The following NBAS variants were observed in gnomAD, a reference collection of about 807,000 sequenced individuals.
The protein encoded by NBAS is NAG/BC035112 fusion.
A neutral mutation model predicts 302.5 loss-of-function variants in NBAS; 219 were observed. The observed-to-expected ratio is 0.72, with a 90% CI of 0.65 to 0.81. The LOEUF (loss-of-function observed/expected upper bound fraction) is 0.81. Among genes scored for constraint, NBAS ranks in the 30% least tolerant of loss-of-function variants. NBAS has a pLI of 0.00. For missense variants in NBAS, 2,932 were observed against 2,841.6 expected, an observed-to-expected ratio of 1.03 and a Z score of -0.72; for synonymous variants, 1,118 against 1,021.6, an observed-to-expected ratio of 1.09 and a Z score of -1.80.
the NBAS span, among the ~76,000 whole-genome samples, chr2:14,905,427 C>T: frequency 2.6e-5 from 4 of 152,186 alleles, no homozygotes; most frequent in South Asian, 6.2e-4. Flanking sequence ...CAGAGAACCA[C>T]ATGCTGCTCA....
chr2:15,176,538 T>G (rs556883733), intron 51 of NBAS, among the ~76,000 whole-genome samples: 5 of 152,150 alleles, frequency 3.3e-5, no homozygotes, highest in Non-Finnish European at 5.9e-5. Context: ...ACAGATTGAA[T>G]CAATGTCAGC....
At chr2:15,048,213 G>A in the NBAS span, among the ~76,000 whole-genome samples, 1 of 152,214 alleles carries the variant, frequency 6.6e-6, no homozygotes, top group Non-Finnish European at 1.5e-5. Flanking sequence ...CCCTGCAGTG[G>A]GGACAGCAAG....
the NBAS span, among the ~76,000 whole-genome samples, chr2:14,801,638 T>C: frequency 2.6e-4 from 39 of 152,298 alleles, no homozygotes; most frequent in South Asian, 2.1e-4. Context: ...TAGTTTTCAA[T>C]GTTTTTTTCC....
At chr2:15,279,618 T>C (rs1669738329) in intron 42 of NBAS, among the ~76,000 whole-genome samples, 1 of 152,174 alleles carries the variant, frequency 6.6e-6, no homozygotes, top group South Asian at 2.1e-4. Flanking sequence ...TCAATCAACA[T>C]TACTTTCCCT....
chr2:15,030,556 T>C, the NBAS span, among the ~76,000 whole-genome samples: 1 of 152,168 alleles, frequency 6.6e-6, no homozygotes, highest in Non-Finnish European at 1.5e-5. Flanking sequence ...AGAGCAGGTG[T>C]GGGCACCTCT....
At chr2:15,102,510 CT>C in the NBAS span, among the ~76,000 whole-genome samples, 1 of 152,186 alleles carries the variant, frequency 6.6e-6, no homozygotes, top group Non-Finnish European at 1.5e-5. Context: ...AATGTAGTTA[CT>C]TCTGCTCTTA....
rs535052275 is a variant in NBAS at position 15,280,989 on chromosome 2, T to C, written c.5139-3888A>G. On this transcript the variant is annotated intron_variant, in intron 42 of 51. Transcript: ENST00000281513. The stretch of plus-strand genomic sequence containing the variant: ...TGGTCAAGATAATCATGGCATTTTT[T>C]AGTTTTGCCAACATTCTGGCCAAGT... Among the ~76,000 whole-genome samples, 4 of 152,330 alleles carry C rather than the reference T, an allele frequency of 2.6e-5. No homozygotes were observed. The East Asian group carries it at 5.8e-4, about 22-fold the overall frequency.
intron 9 of NBAS, among the ~76,000 whole-genome samples, chr2:15,531,998 G>A (rs1427451196): frequency 2.0e-5 from 3 of 152,014 alleles, no homozygotes; most frequent in African/African-American, 4.8e-5. Context: ...AAAGTTCCAC[G>A]AGGAAGATAT....
At chr2:15,388,609 G>A (rs1675429628) in intron 28 of NBAS, among the ~76,000 whole-genome samples, 1 of 152,104 alleles carries the variant, frequency 6.6e-6, no homozygotes, top group South Asian at 2.1e-4. Context: ...TACATCCTAT[G>A]ACTCAGCAGT....
chr2:15,234,545 C>A lies in NBAS; in HGVS notation c.6146G>T (p.Ser2049Ile). 6.2e-7 allele frequency: 1 copy of A among 1,613,492 alleles called. No individual in the cohort carries two copies. The highest frequency in any genetic ancestry group is 8.5e-7 in the Non-Finnish European group (1 of 1,179,922). Residue 2049 changes from serine (S) to isoleucine (I), a missense_variant and splice_region_variant, in exon 46 of 52, where the codon AGT becomes ATT. By Grantham distance (142) the Ser-to-Ile change is moderately radical. Transcript: ENST00000281513. ...CCACAATGACCACTTTCTAGCTTAC[C>A]TCAATGCAGAAATTATTTTCATGAT... ...SAIMKIISAL[S>I]GGSADLGGPR...
At chr2:15,093,621 A>C in the NBAS span, among the ~76,000 whole-genome samples, 1 of 152,226 alleles carries the variant, frequency 6.6e-6, no homozygotes, top group African/African-American at 2.4e-5. Context: ...GTGGACAAAG[A>C]TTTTCTATAA....
intron 7 of NBAS, 135 bp downstream of exon 7, chr2:15,539,088 C>G: frequency 8.5e-7 from 1 of 1,176,278 alleles, no homozygotes; most frequent in Non-Finnish European, 1.2e-6. Flanking sequence ...TAACTAGATT[C>G]TGGGCGTCTT....
chr2:15,087,258 C>A, the NBAS span, among the ~76,000 whole-genome samples: 730 of 131,374 alleles, frequency 5.6e-3, 2 homozygotes, highest in African/African-American at 0.023. Context: ...ACACACACAC[C>A]CCATATTGGT....
intron 23 of NBAS, among the ~76,000 whole-genome samples, chr2:15,421,484 G>A (rs773774589): frequency 6.6e-5 from 10 of 151,954 alleles, no homozygotes; most frequent in Non-Finnish European, 1.0e-4. Flanking sequence ...CAACAAACAA[G>A]TTTCGCTAAA....
At chr2:14,796,947 G>A in the NBAS span, among the ~76,000 whole-genome samples, 5 of 129,202 alleles carry the variant, frequency 3.9e-5, no homozygotes, top group Non-Finnish European at 6.6e-5. Flanking sequence ...AAAATTAGCC[G>A]GGCATGGTGG....
chr2:15,113,840 A>G, the NBAS span, among the ~76,000 whole-genome samples: 2 of 152,158 alleles, frequency 1.3e-5, no homozygotes, highest in Non-Finnish European at 2.9e-5. Flanking sequence ...GAGCATTTCA[A>G]TAAATAAAAA....
intron 48 of NBAS, among the ~76,000 whole-genome samples, chr2:15,193,623 G>A (rs1355218721): frequency 1.3e-5 from 2 of 151,906 alleles, no homozygotes; most frequent in Non-Finnish European, 1.5e-5. Flanking sequence ...TTGAATTTTT[G>A]AGAAGAAAAT....
chr2:15,167,889 T>C (rs763043472), intron 51 of NBAS, among the ~76,000 whole-genome samples: 7 of 152,212 alleles, frequency 4.6e-5, no homozygotes, highest in Middle Eastern at 3.2e-3. Context: ...TTGTACTCCA[T>C]TGAGAGAAGA....
At chr2:14,796,703 C>A in the NBAS span, among the ~76,000 whole-genome samples, 1 of 151,972 alleles carries the variant, frequency 6.6e-6, no homozygotes, top group African/African-American at 2.4e-5. Context: ...GCTGCTGGTT[C>A]CAGATGAAGT....
Sources: gnomAD v4.1 joint callset for allele counts (sites outside exome capture counted in the v4.1 genomes callset) on GRCh38, gnomAD v4.1.1 for gene constraint, MANE v1.5 for transcripts, NCBI Gene and HGNC (gene_info 2026-07-23, HGNC 2026-07-21) for gene names.